Variants in SLC35F3 observed in about 807,000 individuals in gnomAD.
SLC35F3 encodes the protein putative thiamine transporter SLC35F3.
Under a neutral mutation model 49.9 loss-of-function variants are expected in SLC35F3, and 25 were observed. The observed-to-expected ratio is 0.50, with a 90% confidence interval of 0.37 to 0.70. SLC35F3 has a LOEUF of 0.70. SLC35F3 is among the 30% of genes least tolerant of loss of function. The pLI, the probability that SLC35F3 is intolerant of heterozygous loss-of-function variation, is 0.00. For synonymous variants in SLC35F3, 275 were observed against 265.4 expected (o/e 1.04, Z -0.35); for missense variants, 525 against 639.8 (o/e 0.82, Z 1.94).
intron 2 of SLC35F3, among the ~76,000 whole-genome samples, chr1:234,124,057 C>A (rs1665613127): frequency 6.6e-6 from 1 of 152,138 alleles, no homozygotes. Context: ...GGAAACAGAG[C>A]CAGAAGCAAA....
At chr1:234,173,176 G>A (rs759831769) in intron 2 of SLC35F3, among the ~76,000 whole-genome samples, 1 of 152,224 alleles carries the variant, frequency 6.6e-6, no homozygotes, top group African/African-American at 2.4e-5. Context: ...AGGTGGAGGG[G>A]CTGGAGTACG....
chr1:233,987,268 G>T (rs747867748), intron 2 of SLC35F3, among the ~76,000 whole-genome samples: 3 of 152,142 alleles, frequency 2.0e-5, no homozygotes, highest in Non-Finnish European at 2.9e-5. Flanking sequence ...CAGCCTGGGA[G>T]ACAGAGTGAG....
chr1:234,057,915 C>T (rs1664479316), intron 2 of SLC35F3, among the ~76,000 whole-genome samples: 2 of 152,124 alleles, frequency 1.3e-5, no homozygotes, highest in African/African-American at 4.8e-5. Context: ...CTATGTTGAC[C>T]AGGCTGGTCT....
chr1:234,105,846 C>T (rs986662266), intron 2 of SLC35F3, among the ~76,000 whole-genome samples: 3 of 152,150 alleles, frequency 2.0e-5, no homozygotes, highest in East Asian at 1.9e-4. Context: ...GCTAATAAAA[C>T]GTAAATGGAG....
rs538642711 is a variant in SLC35F3, at chr1:234,323,998, A to G, written c.*755A>G. 1 of 152,426 alleles carries G rather than the reference A, an allele frequency of 6.6e-6. No individual in the cohort carries two copies. Among genetic ancestry groups the G allele is most frequent in the South Asian group, 2.1e-4 (1 of 4,830 alleles). 9.4% of individuals were successfully genotyped at this position (152,426 alleles called of 1,614,324 possible). A position where few individuals can be genotyped will look rare whatever the true frequency, so the allele number is the denominator to read the frequency against. ...TGGCGCCGTCTTATAATTTAGATGT[A>G]AAAATCTTTAGAAACAAATAAAACT... On this transcript the variant is annotated 3_prime_UTR_variant, in exon 8 of 8. Coordinates refer to ENST00000366618, the MANE Select transcript of SLC35F3 (RefSeq NM_173508.4). This position sits in a 1 kb window ranked among gnomAD's most constrained non-coding sequence, Gnocchi z 4.5.
At chr1:233,906,666 T>G (rs1049556674) in intron 2 of SLC35F3, among the ~76,000 whole-genome samples, 3 of 152,024 alleles carry the variant, frequency 2.0e-5, no homozygotes, top group African/African-American at 7.3e-5. Flanking sequence ...TGATTTTGAG[T>G]TTTTTTCGAC....
At chr1:234,098,805 T>C (rs568662992) in intron 2 of SLC35F3, among the ~76,000 whole-genome samples, 20 of 151,138 alleles carry the variant, frequency 1.3e-4, no homozygotes, top group African/African-American at 4.6e-4. Flanking sequence ...GTGGTAGTGA[T>C]GGTGTTATAG....
At chr1:233,947,491 G>T (rs1230380451) in intron 2 of SLC35F3, among the ~76,000 whole-genome samples, 1 of 151,280 alleles carries the variant, frequency 6.6e-6, no homozygotes, top group East Asian at 2.0e-4. Context: ...ATCCTGCTGG[G>T]ACTCCCAGGA....
At chr1:234,251,398 T>C (rs1667735769) in intron 3 of SLC35F3, among the ~76,000 whole-genome samples, 1 of 147,438 alleles carries the variant, frequency 6.8e-6, no homozygotes, top group South Asian at 2.1e-4. Flanking sequence ...GATAGGGTAA[T>C]GATGGGAACA....
At chr1:234,144,432 C>T (rs1220829613) in intron 2 of SLC35F3, among the ~76,000 whole-genome samples, 1 of 152,174 alleles carries the variant, frequency 6.6e-6, no homozygotes, top group East Asian at 1.9e-4. Flanking sequence ...AATGGTGGTT[C>T]CATTTGGTAA....
intron 2 of SLC35F3, among the ~76,000 whole-genome samples, chr1:234,181,338 G>GAAAAAAAAAAAA (rs34757532): frequency 1.0e-5 from 1 of 97,310 alleles, no homozygotes; most frequent in Admixed American, 1.1e-4. Context: ...TCTGTCTCAA[G>GAAAAAAAAAAAA]AAAAAAAAAA....
intron 2 of SLC35F3, among the ~76,000 whole-genome samples, chr1:234,154,633 C>T (rs1477991149): frequency 3.3e-5 from 5 of 152,050 alleles, no homozygotes; most frequent in African/African-American, 1.2e-4. Context: ...CTCCTTCCCC[C>T]AATAGTTTAA....
chr1:234,233,211 G>C lies in SLC35F3; in HGVS notation c.608+1470G>C, dbSNP rs1170520965. On this transcript the variant is annotated intron_variant, in intron 3 of 7. Transcript: ENST00000366618. Reference sequence around the variant, plus strand: ...AAGAGTAAAATAGTCCCAGAGAAAAGCTAATATTTAGTAAATGATGTATTT... The same window carrying C: ...AAGAGTAAAATAGTCCCAGAGAAAACCTAATATTTAGTAAATGATGTATTT... Among the ~76,000 whole-genome samples the C allele has an allele frequency of 4.6e-5, 7 of 152,192 alleles. No homozygotes were observed. In the South Asian group the frequency reaches 1.4e-3, roughly 32 times the overall value.
intron 2 of SLC35F3, among the ~76,000 whole-genome samples, chr1:234,018,193 A>C (rs889952474): frequency 3.3e-5 from 5 of 152,246 alleles, no homozygotes; most frequent in African/African-American, 9.6e-5. Context: ...CATAAATTTT[A>C]GCAAGTAGGT....
intron 2 of SLC35F3, among the ~76,000 whole-genome samples, chr1:234,107,735 G>A (rs1431471139): frequency 6.6e-6 from 1 of 152,112 alleles, no homozygotes; most frequent in African/African-American, 2.4e-5. Flanking sequence ...AGCTATAAAA[G>A]AAGTTTTACA....
At chr1:234,304,754 T>G (rs1287897618) in intron 3 of SLC35F3, among the ~76,000 whole-genome samples, 4 of 152,142 alleles carry the variant, frequency 2.6e-5, no homozygotes, top group Non-Finnish European at 4.4e-5. Flanking sequence ...ATCTCCCCAA[T>G]TACACCTTCT....
At chr1:233,952,135 G>C (rs954136015) in intron 2 of SLC35F3, among the ~76,000 whole-genome samples, 1 of 151,500 alleles carries the variant, frequency 6.6e-6, no homozygotes, top group Admixed American at 6.6e-5. Flanking sequence ...TTCTTTTTAT[G>C]GTGCTTTTTT....
intron 2 of SLC35F3, among the ~76,000 whole-genome samples, chr1:234,079,289 G>A (rs1240448144): frequency 6.6e-6 from 1 of 151,994 alleles, no homozygotes; most frequent in Non-Finnish European, 1.5e-5. Flanking sequence ...TGAGATTAGG[G>A]GTCTAACTTC....
At chr1:234,190,580 C>G (rs997796516) in intron 2 of SLC35F3, among the ~76,000 whole-genome samples, 8 of 152,120 alleles carry the variant, frequency 5.3e-5, no homozygotes, top group African/African-American at 1.9e-4. Flanking sequence ...ACAAATACTG[C>G]TAGACATAAG....
Sources: allele counts gnomAD v4.1 joint callset (sites outside exome capture counted in the v4.1 genomes callset), GRCh38; gene constraint gnomAD v4.1.1; non-coding constraint Gnocchi (gnomAD v3.1); transcripts MANE v1.5; gene names NCBI Gene and HGNC (gene_info 2026-07-23, HGNC 2026-07-21).